TMEM131: variants seen among roughly 807,000 people sequenced by gnomAD.
The protein encoded by TMEM131 is transmembrane protein 131, also known as 2610524E03Rik.
In TMEM131, 66 loss-of-function variants were observed where a neutral mutation model predicts 211.6. The observed-to-expected ratio is 0.31, with a 90% CI of 0.26 to 0.38. The LOEUF (loss-of-function observed/expected upper bound fraction) is 0.38. Ranked by LOEUF, TMEM131 falls within the 10% of genes least tolerant of loss-of-function variation. The probability of loss-of-function intolerance (pLI) is 1.00; values close to 1 mark genes in which losing one functional copy is unlikely to be tolerated. For missense variants in TMEM131, 2,036 were observed against 2,299.3 expected, an observed-to-expected ratio of 0.89 and a Z score of 2.34; for synonymous variants, 844 against 841.3, an observed-to-expected ratio of 1.00 and a Z score of -0.06.
chr2:97,866,222 C>G (rs1328587678), intron 4 of TMEM131, among the ~76,000 whole-genome samples: 2 of 152,262 alleles, frequency 1.3e-5, no homozygotes, highest in Non-Finnish European at 1.5e-5. Flanking sequence ...AAACATTTCA[C>G]TTGTTATAAG....
chr2:97,761,058 G>T, intron 36 of TMEM131, 144 bp from the exon 37 acceptor site: 1 of 1,048,128 alleles, frequency 9.5e-7, no homozygotes, highest in Non-Finnish European at 1.4e-6. Context: ...CATGTCACAT[G>T]CTCTGGGGCC....
intron 5 of TMEM131, among the ~76,000 whole-genome samples, chr2:97,849,440 T>A (rs931843580): frequency 6.6e-6 from 1 of 152,120 alleles, no homozygotes; most frequent in East Asian, 1.9e-4. Context: ...AAATGCATTA[T>A]GCTAAAAGAA....
chr2:97,924,658 A>G (rs772760098), intron 2 of TMEM131, among the ~76,000 whole-genome samples: 9 of 152,186 alleles, frequency 5.9e-5, no homozygotes, highest in Non-Finnish European at 8.8e-5. Context: ...CCCTTAGGAA[A>G]GTACCTGTCA....
chr2:97,784,412 A>G (rs909005340), intron 31 of TMEM131, among the ~76,000 whole-genome samples: 25 of 152,124 alleles, frequency 1.6e-4, no homozygotes, highest in Admixed American at 1.2e-3. Flanking sequence ...CATTCTCCCA[A>G]CTAAAGTGGA....
intron 1 of TMEM131, among the ~76,000 whole-genome samples, chr2:97,970,399 A>G (rs1402964381): frequency 1.3e-5 from 2 of 152,196 alleles, no homozygotes; most frequent in African/African-American, 4.8e-5. Flanking sequence ...AGAGGAGACA[A>G]AAGATAGCAC....
intron 1 of TMEM131, among the ~76,000 whole-genome samples, chr2:97,969,085 T>TAAAA (rs1381258702): frequency 1.6e-5 from 1 of 62,626 alleles, no homozygotes; most frequent in East Asian, 2.5e-4. Context: ...AGACTCTGTT[T>TAAAA]CAAAAAAAAA....
At chr2:97,851,759 T>C (rs1050710788) in intron 5 of TMEM131, among the ~76,000 whole-genome samples, 1 of 152,248 alleles carries the variant, frequency 6.6e-6, no homozygotes, top group African/African-American at 2.4e-5. Context: ...AAAAATGTTA[T>C]GTGTGTTCTC....
chr2:97,952,703 T>G (rs1678379219), intron 1 of TMEM131, among the ~76,000 whole-genome samples: 1 of 152,094 alleles, frequency 6.6e-6, no homozygotes, highest in African/African-American at 2.4e-5. Flanking sequence ...ACAGTGAGAC[T>G]ACATCACTAC....
At chr2:97,836,748 T>C (rs528671915) in intron 8 of TMEM131, among the ~76,000 whole-genome samples, 29 of 152,222 alleles carry the variant, frequency 1.9e-4, no homozygotes, top group African/African-American at 7.0e-4. Flanking sequence ...TCATTTACAT[T>C]TTTTTATGTG....
At chr2:97,780,099 T>C (rs1333933916) in intron 31 of TMEM131, among the ~76,000 whole-genome samples, 1 of 152,078 alleles carries the variant, frequency 6.6e-6, no homozygotes, top group Non-Finnish European at 1.5e-5. Flanking sequence ...ACCCTGGCTT[T>C]TAGGTATAAA....
intron 1 of TMEM131, among the ~76,000 whole-genome samples, chr2:97,974,865 A>G: frequency 6.6e-6 from 1 of 152,212 alleles, no homozygotes; most frequent in East Asian, 1.9e-4. Context: ...GGCAGAAGGA[A>G]ATGATACCAG....
chr2:97,879,242 T>A (rs1401617390), intron 4 of TMEM131, among the ~76,000 whole-genome samples: 2 of 151,918 alleles, frequency 1.3e-5, no homozygotes, highest in Non-Finnish European at 2.9e-5. Flanking sequence ...ATACCGGCAG[T>A]GAGAGAGAAT....
At chr2:97,920,686 C>A (rs1444757844) in intron 2 of TMEM131, among the ~76,000 whole-genome samples, 1 of 152,010 alleles carries the variant, frequency 6.6e-6, no homozygotes, top group Non-Finnish European at 1.5e-5. Flanking sequence ...CAATAAAGGC[C>A]GGGCATCAGC....
chr2:97,777,464 G>T (rs539392014), intron 31 of TMEM131, among the ~76,000 whole-genome samples: 1 of 152,310 alleles, frequency 6.6e-6, no homozygotes, highest in African/African-American at 2.4e-5. Flanking sequence ...AGCTAAGAAT[G>T]ATTTTTACAT....
At chr2:97,873,491 C>G (rs1277343677) in intron 4 of TMEM131, among the ~76,000 whole-genome samples, 2 of 152,244 alleles carry the variant, frequency 1.3e-5, no homozygotes, top group Admixed American at 1.3e-4. Flanking sequence ...ACACCTCATA[C>G]AGGAGAGCTC....
chr2:97,828,861 T>G (rs958124386), intron 11 of TMEM131, among the ~76,000 whole-genome samples: 2 of 152,244 alleles, frequency 1.3e-5, no homozygotes, highest in Admixed American at 1.3e-4. Context: ...CTAGGTCCTG[T>G]GACAGCCATC....
rs367885731 is a variant in TMEM131 at position 97,956,143 on chromosome 2, C to T, written c.188-28656G>A. Among the ~76,000 whole-genome samples, 16 of 152,210 alleles carry T rather than the reference C, an allele frequency of 1.1e-4. 1 individual carries two copies. The highest frequency in any genetic ancestry group is 3.9e-4 in the African/African-American group (16 of 41,536). On this transcript the variant is annotated intron_variant, in intron 1 of 40. Transcript: ENST00000186436. ...GAGTACCTGAGAGAGTGTGACATTG[C>T]CAAAATGACATGCACAGACTAATGG...
intron 2 of TMEM131, among the ~76,000 whole-genome samples, chr2:97,916,803 G>A (rs1676526864): frequency 6.6e-6 from 1 of 152,052 alleles, no homozygotes; most frequent in Admixed American, 6.6e-5. Context: ...ATTTGGTTAG[G>A]TTAAACTCCC....
At chr2:97,862,275 G>T (rs1674100979) in intron 4 of TMEM131, among the ~76,000 whole-genome samples, 1 of 152,192 alleles carries the variant, frequency 6.6e-6, no homozygotes, top group Non-Finnish European at 1.5e-5. Flanking sequence ...AACAAGCCCA[G>T]ACTGTGAAGA....
Sources: gnomAD v4.1 joint callset for allele counts (sites outside exome capture counted in the v4.1 genomes callset) on GRCh38, gnomAD v4.1.1 for gene constraint, MANE v1.5 for transcripts, NCBI Gene and HGNC (gene_info 2026-07-23, HGNC 2026-07-21) for gene names.